The following SULF2 variants were observed in gnomAD, a reference collection of about 807,000 sequenced individuals.
SULF2 encodes sulfatase 2.
A neutral mutation model predicts 107.7 loss-of-function variants in SULF2; 52 were observed. The observed-to-expected ratio is 0.48, with a 90% CI of 0.39 to 0.61. The LOEUF (loss-of-function observed/expected upper bound fraction) is 0.61, where lower values mean the gene tolerates loss of function less well. SULF2 is among the 20% of genes least tolerant of loss of function. The pLI, the probability that SULF2 is intolerant of heterozygous loss-of-function variation, is 0.00. For synonymous variants in SULF2, 460 were observed against 464.3 expected (o/e 0.99, Z 0.12); for missense variants, 993 against 1,177.3 (o/e 0.84, Z 2.29).
At chr20:47,672,134 G>A (rs1182608009) in intron 11 of SULF2, 64 bp downstream of exon 11, 1 of 1,521,038 alleles carries the variant, frequency 6.6e-7, no homozygotes, top group Non-Finnish European at 8.9e-7. Context: ...CGGAGTGAAT[G>A]AATGGGGCCC....
intron 2 of SULF2, among the ~76,000 whole-genome samples, chr20:47,754,527 G>T (rs559976265): frequency 5.3e-5 from 8 of 151,370 alleles, no homozygotes; most frequent in African/African-American, 1.9e-4. Context: ...GAAGAGGTCT[G>T]GCTTGTTTAT....
rs1346317138 is a variant in SULF2, at chr20:47,665,841, C to T, written c.1902+16G>A. ...GTGGTGGCCGAGAGCATGCTCCTCTCCCGCTCTCCACTCACCTCGTGGTCG... is the reference window on the plus strand; with the variant it reads ...GTGGTGGCCGAGAGCATGCTCCTCTTCCGCTCTCCACTCACCTCGTGGTCG... On this transcript the variant is annotated intron_variant, in intron 13 of 20. Transcript: ENST00000688720. 1 of 1,611,470 alleles carries T rather than the reference C, an allele frequency of 6.2e-7. No individual in the cohort carries two copies. The highest frequency in any genetic ancestry group is 2.2e-5 in the East Asian group (1 of 44,876).
At chr20:47,685,939 G>C (rs1366262812) in intron 5 of SULF2, 1 of 152,330 alleles carries the variant, frequency 6.6e-6, no homozygotes, top group East Asian at 1.9e-4. Flanking sequence ...GACTATACCA[G>C]CTGCTGGGGT....
chr20:47,773,265 G>T (rs2090665107), intron 1 of SULF2, among the ~76,000 whole-genome samples: 3 of 152,222 alleles, frequency 2.0e-5, no homozygotes, highest in Admixed American at 1.3e-4. Context: ...AATGAATGAA[G>T]ATTGTCTTAA....
intron 8 of SULF2, among the ~76,000 whole-genome samples, 159 bp from the exon 9 acceptor site, chr20:47,677,293 C>G (rs932111429): frequency 1.3e-5 from 2 of 152,138 alleles, no homozygotes; most frequent in East Asian, 3.9e-4. Flanking sequence ...TAGAGCATTG[C>G]CCACCCTCCT....
intron 3 of SULF2, among the ~76,000 whole-genome samples, chr20:47,708,466 TG>T (rs2088820565): frequency 6.6e-6 from 1 of 152,208 alleles, no homozygotes; most frequent in South Asian, 2.1e-4. Flanking sequence ...GTACCGCTCC[TG>T]GAACATTGCA....
chr20:47,773,248 G>GA (rs2090664878), intron 1 of SULF2, among the ~76,000 whole-genome samples: 1 of 152,226 alleles, frequency 6.6e-6, no homozygotes, highest in African/African-American at 2.4e-5. Context: ...TGGTGGAGGA[G>GA]AAAATGAATG....
chr20:47,761,229 G>A (rs1196303548), intron 1 of SULF2, among the ~76,000 whole-genome samples: 1 of 152,168 alleles, frequency 6.6e-6, no homozygotes, highest in Non-Finnish European at 1.5e-5. Context: ...AGAGAAAACT[G>A]AGGTTTCATT....
intron 2 of SULF2, among the ~76,000 whole-genome samples, chr20:47,742,283 G>A (rs1240901013): frequency 1.3e-5 from 2 of 152,190 alleles, no homozygotes; most frequent in Non-Finnish European, 2.9e-5. Flanking sequence ...TGAACGACAC[G>A]GCCACACAGA....
At chr20:47,785,736 G>T (rs1336397015), upstream of SULF2, 1 of 147,588 alleles carries the variant, frequency 6.8e-6, no homozygotes, top group Non-Finnish European at 1.5e-5. Context: ...CTCCGGGGCG[G>T]GGAGCGTCGG....
chr20:47,746,978 TAAATAAAAA>T (rs1470691791), intron 2 of SULF2, among the ~76,000 whole-genome samples: 3 of 51,202 alleles, frequency 5.9e-5, no homozygotes, highest in East Asian at 1.0e-3. Context: ...AGAACTTAAA[TAAATAAAAA>T]AAAAAAAATA....
chr20:47,664,700 TC>T (rs1455992173), intron 14 of SULF2, among the ~76,000 whole-genome samples: 2 of 152,216 alleles, frequency 1.3e-5, no homozygotes, highest in Admixed American at 1.3e-4. Flanking sequence ...GGTGGCTACT[TC>T]AATTTGAATT....
At chr20:47,685,403 T>C (rs1456956541) in intron 5 of SULF2, 1 of 152,164 alleles carries the variant, frequency 6.6e-6, no homozygotes, top group Non-Finnish European at 1.5e-5. Flanking sequence ...TTTTTTGTAT[T>C]TTTAGTAGAA....
At chr20:47,671,278 T>G (rs1420693126) in intron 11 of SULF2, among the ~76,000 whole-genome samples, 1 of 152,376 alleles carries the variant, frequency 6.6e-6, no homozygotes. Context: ...CCCACTCAAC[T>G]ATAGTCTATT....
At chr20:47,751,935 G>T (rs1473822538) in intron 2 of SULF2, among the ~76,000 whole-genome samples, 2 of 152,190 alleles carry the variant, frequency 1.3e-5, no homozygotes, top group African/African-American at 4.8e-5. Flanking sequence ...AATGGCAGAA[G>T]AACCCATGCC....
intron 1 of SULF2, among the ~76,000 whole-genome samples, chr20:47,775,177 A>C (rs56236022): frequency 0.13 from 19,827 of 152,208 alleles, 1,415 homozygotes; most frequent in East Asian, 0.18. Context: ...TGTTTTGACC[A>C]AGAGAAGGTG....
intron 3 of SULF2, among the ~76,000 whole-genome samples, chr20:47,733,620 A>C (rs2089665288): frequency 6.6e-6 from 1 of 152,278 alleles, no homozygotes; most frequent in Non-Finnish European, 1.5e-5. Flanking sequence ...AAAAAATACA[A>C]AAATTAGTCA....
chr20:47,778,586 T>C lies in SULF2; in HGVS notation c.-101+6757A>G, dbSNP rs367701957. Among the ~76,000 whole-genome samples the C allele has an allele frequency of 1.6e-3, 238 of 152,346 alleles. 2 individuals are homozygous for C. The highest frequency in any genetic ancestry group is 5.4e-3 in the African/African-American group (223 of 41,584). ...AAGCTCTGAAGGCCATGCCAACAGC[T>C]GTTCCACCCAGAAGGCATCGTGCTG... On this transcript the variant is annotated intron_variant, in intron 1 of 20. Coordinates refer to ENST00000688720, the MANE Select transcript of SULF2 (RefSeq NM_001387048.1).
Position 47,694,793 on chromosome 20 carries a change from G to A in SULF2, c.568-4498C>T, listed in dbSNP as rs1193862874. Reference sequence around the variant, plus strand: ...AAGGCCAAGGCAGTGCGTGTGGGTGGCAGCAGCTCCACAGGCTCCAGACAA... The same window carrying A: ...AAGGCCAAGGCAGTGCGTGTGGGTGACAGCAGCTCCACAGGCTCCAGACAA... On this transcript the variant is annotated intron_variant, in intron 4 of 20. Transcript: ENST00000688720. The surrounding 1 kb of genome is among the most constrained non-coding windows in gnomAD (Gnocchi z 4.4). 6.6e-6 allele frequency among the ~76,000 whole-genome samples: 1 copy of A among 152,160 alleles called. No homozygotes were observed. The highest frequency in any genetic ancestry group is 1.5e-5 in the Non-Finnish European group (1 of 68,012).
Sources: allele counts gnomAD v4.1 joint callset (sites outside exome capture counted in the v4.1 genomes callset), GRCh38; gene constraint gnomAD v4.1.1; non-coding constraint Gnocchi (gnomAD v3.1); transcripts MANE v1.5; gene names NCBI Gene and HGNC (gene_info 2026-07-23, HGNC 2026-07-21).